CCDC141: variants seen among roughly 807,000 people sequenced by gnomAD.
The protein encoded by CCDC141 is coiled-coil domain-containing protein 141.
A neutral mutation model predicts 181.0 loss-of-function variants in CCDC141; 168 were observed. The ratio of observed to expected loss-of-function variants is 0.93; its 90% CI spans 0.82 to 1.05. The LOEUF is 1.05. Among genes scored for constraint, CCDC141 ranks in the 50% least tolerant of loss-of-function variants. CCDC141 has a pLI of 0.00. For missense variants in CCDC141, 1,902 were observed against 1,788.5 expected, an observed-to-expected ratio of 1.06 and a Z score of -1.14; for synonymous variants, 666 against 642.3, an observed-to-expected ratio of 1.04 and a Z score of -0.56.
chr2:178,887,338 T>C (rs1021970569), intron 9 of CCDC141, among the ~76,000 whole-genome samples: 27 of 152,308 alleles, frequency 1.8e-4, no homozygotes, highest in African/African-American at 5.8e-4. Flanking sequence ...GGACGTGTTA[T>C]AGTAAAACAC....
chr2:178,868,322 T>A, intron 15 of CCDC141, 117 bp from the exon 16 acceptor site: 2 of 796,328 alleles, frequency 2.5e-6, no homozygotes, highest in Non-Finnish European at 4.0e-6. Context: ...AGCCCATCTT[T>A]AAACTGTTGG....
rs1684366655 is a variant in CCDC141 at position 178,833,998 on chromosome 2, A to G, written c.*175T>C. ...ATTTACCAAGCTTCTCAAATATATT[A>G]AACGCTCCAGAAAATTTGATTATTT... On this transcript the variant is annotated 3_prime_UTR_variant, in exon 24 of 24. Transcript: ENST00000443758. 1.6e-6 allele frequency: 1 copy of G among 644,802 alleles called. No homozygotes were observed. Among genetic ancestry groups the G allele is most frequent in the Admixed American group, 3.0e-5 (1 of 33,746 alleles). The allele number at this position is 644,802 out of a possible 1,614,324, so 39.9% of individuals were successfully genotyped here. A position where few individuals can be genotyped will look rare whatever the true frequency, so the allele number is the denominator to read the frequency against.
chr2:179,018,681 T>C (rs2042612337), intron 2 of CCDC141, among the ~76,000 whole-genome samples: 1 of 152,190 alleles, frequency 6.6e-6, no homozygotes, highest in South Asian at 2.1e-4. Context: ...CCTTTGTCAC[T>C]TTCTTTCCAC....
intron 12 of CCDC141, chr2:178,874,864 A>T (rs1291751633): frequency 1.3e-5 from 2 of 152,184 alleles, no homozygotes; most frequent in Admixed American, 6.5e-5. Context: ...ACGTTGACAA[A>T]ATACCAGGGG....
At chr2:179,001,343 G>C (rs765931221) in intron 2 of CCDC141, among the ~76,000 whole-genome samples, 2 of 152,138 alleles carry the variant, frequency 1.3e-5, no homozygotes, top group Non-Finnish European at 2.9e-5. Flanking sequence ...AAGGAGTGTA[G>C]TCTTGGGAGT....
chr2:178,847,782 T>TCTCC (rs1685003001), intron 21 of CCDC141, among the ~76,000 whole-genome samples: 1 of 152,156 alleles, frequency 6.6e-6, no homozygotes, highest in Non-Finnish European at 1.5e-5. Context: ...GGCGATAGTA[T>TCTCC]TAGGAGATGA....
chr2:178,964,111 T>C (rs1690517841), intron 4 of CCDC141, among the ~76,000 whole-genome samples: 1 of 152,214 alleles, frequency 6.6e-6, no homozygotes, highest in Non-Finnish European at 1.5e-5. Flanking sequence ...AAGCAGCTTA[T>C]AGCAGGCCTT....
chr2:178,961,870 T>G (rs1331020915), intron 4 of CCDC141, among the ~76,000 whole-genome samples: 1 of 152,208 alleles, frequency 6.6e-6, no homozygotes, highest in Admixed American at 6.5e-5. Context: ...GTGCCTGGTA[T>G]GACCAAACAA....
At position 179,048,784 on chromosome 2, in the gene CCDC141, C is replaced by T. The variant is rs990956803; in HGVS notation, c.102+1056G>A. 5.9e-5 allele frequency among the ~76,000 whole-genome samples: 9 copies of T among 152,196 alleles called. 1 individual carries two copies. The highest frequency in any genetic ancestry group is 1.0e-4 in the Non-Finnish European group (7 of 68,040). ...TCTCACAACACCAGAAAATCCACCT[C>T]GGCAGGAATACTTTCCATTCTGTCC... On this transcript the variant is annotated intron_variant, in intron 1 of 23. Coordinates refer to ENST00000443758, the MANE Select transcript of CCDC141 (RefSeq NM_173648.4).
At chr2:178,984,289 C>T (rs907452940) in intron 2 of CCDC141, among the ~76,000 whole-genome samples, 1 of 150,198 alleles carries the variant, frequency 6.7e-6, no homozygotes, top group African/African-American at 2.5e-5. Context: ...ACCACCAGGC[C>T]TGCCCTAAAA....
chr2:178,931,619 A>G (rs1689105193), intron 6 of CCDC141, among the ~76,000 whole-genome samples: 1 of 152,184 alleles, frequency 6.6e-6, no homozygotes. Context: ...AGGTAAATAC[A>G]TGGACACAGA....
Position 178,871,451 on chromosome 2 carries a change from C to G in CCDC141, c.2181G>C (p.Trp727Cys). The G allele has an allele frequency of 6.2e-7, 1 of 1,613,666 alleles. No homozygotes were observed. The highest frequency in any genetic ancestry group is 8.5e-7 in the Non-Finnish European group (1 of 1,179,760). Reference protein sequence around the residue: ...LQFILDLRQKWNDMKPQFQQL... With the variant: ...LQFILDLRQKCNDMKPQFQQL... ...CCTGGAACTGAGGCTTCATGTCATT[C>G]CATTTTTGTCGTAGATCTAAAATGA... Residue 727 changes from tryptophan to cysteine, a missense_variant, in exon 14 of 24, where the codon TGG becomes TGC. Coordinates refer to ENST00000443758, the MANE Select transcript of CCDC141 (RefSeq NM_173648.4).
chr2:178,877,892 C>T lies in CCDC141; in HGVS notation c.1899+72G>A, dbSNP rs571142447. 3.8e-5 allele frequency: 54 copies of T among 1,412,766 alleles called. No individual in the cohort carries two copies. The East Asian group carries it at 1.2e-3, about 32-fold the overall frequency. 87.5% of individuals were successfully genotyped at this position (1,412,766 alleles called of 1,614,324 possible). Reference sequence around the variant, plus strand: ...AACTGCTGATTAATAGACAGCTGAACCTTTGAAATTATTATTTTGACTTTG... The same window carrying T: ...AACTGCTGATTAATAGACAGCTGAATCTTTGAAATTATTATTTTGACTTTG... On this transcript the variant is annotated intron_variant, in intron 12 of 23. Coordinates refer to ENST00000443758, the MANE Select transcript of CCDC141 (RefSeq NM_173648.4).
chr2:179,047,645 T>C (rs2043543950), intron 1 of CCDC141, among the ~76,000 whole-genome samples: 1 of 152,230 alleles, frequency 6.6e-6, no homozygotes, highest in Admixed American at 6.5e-5. Context: ...TTATTCTCTC[T>C]TGGCATATTG....
In CCDC141 at chr2:178,836,877, C is replaced by G; in HGVS notation, c.4325+17G>C. ...GAATTTGTTTCCATTTATGGCTTGT[C>G]ATTATAGGCTACCCACCATGTCAGT... On this transcript the variant is annotated intron_variant, in intron 23 of 23. Transcript: ENST00000443758. The G allele has an allele frequency of 6.3e-7, 1 of 1,584,330 alleles. No homozygotes were observed. The highest frequency in any genetic ancestry group is 8.5e-7 in the Non-Finnish European group (1 of 1,171,566).
chr2:178,930,207 C>A (rs1458763689), intron 6 of CCDC141, among the ~76,000 whole-genome samples: 1 of 151,914 alleles, frequency 6.6e-6, no homozygotes, highest in African/African-American at 2.4e-5. Context: ...TGATTTCATT[C>A]ATGGTAGCAT....
intron 2 of CCDC141, among the ~76,000 whole-genome samples, chr2:178,988,641 C>G (rs949974284): frequency 1.3e-5 from 2 of 151,964 alleles, no homozygotes; most frequent in African/African-American, 2.4e-5. Context: ...GGCTTTTTGA[C>G]AGAAATTGAA....
intron 6 of CCDC141, among the ~76,000 whole-genome samples, chr2:178,931,737 A>T (rs1215720959): frequency 6.6e-6 from 1 of 152,164 alleles, no homozygotes; most frequent in African/African-American, 2.4e-5. Context: ...TGAACTAGGT[A>T]GCCATGATAG....
At chr2:178,988,180 GA>G (rs1300884974) in intron 2 of CCDC141, among the ~76,000 whole-genome samples, 1 of 152,214 alleles carries the variant, frequency 6.6e-6, no homozygotes, top group Non-Finnish European at 1.5e-5. Context: ...GGACATGTAT[GA>G]AATTGGAAAT....
Sources: allele counts gnomAD v4.1 joint callset (sites outside exome capture counted in the v4.1 genomes callset), GRCh38; gene constraint gnomAD v4.1.1; transcripts MANE v1.5; gene names NCBI Gene and HGNC (gene_info 2026-07-23, HGNC 2026-07-21).